Variants in ACSL5 observed in about 807,000 individuals in gnomAD.
ACSL5 encodes the protein acyl-CoA synthetase long chain family member 5.
ACSL5 carries 50 observed loss-of-function variants against 84.9 expected under a neutral mutation model. The ratio of observed to expected loss-of-function variants is 0.59; its 90% CI spans 0.47 to 0.75. The LOEUF is 0.75. Ranked by LOEUF, ACSL5 falls within the 30% of genes least tolerant of loss-of-function variation. The pLI is 0.00. For synonymous variants in ACSL5, 280 were observed against 300.7 expected, an observed-to-expected ratio of 0.93 and a Z score of 0.71; for missense variants, 775 against 830.4, an observed-to-expected ratio of 0.93 and a Z score of 0.82.
intron 18 of ACSL5, among the ~76,000 whole-genome samples, chr10:112,426,036 C>G (rs1188210712): frequency 2.0e-5 from 3 of 152,064 alleles, no homozygotes; most frequent in African/African-American, 7.2e-5. Context: ...GTTGAAGGAT[C>G]AGATTTGAAT....
At chr10:112,410,762 G>A in intron 9 of ACSL5, 127 bp downstream of exon 9, 2 of 928,548 alleles carry the variant, frequency 2.2e-6, no homozygotes, top group Non-Finnish European at 3.2e-6. Flanking sequence ...CACAGCCTAA[G>A]GCTTCTAAGT....
intron 14 of ACSL5, among the ~76,000 whole-genome samples, chr10:112,420,724 T>G (rs920294405): frequency 6.6e-6 from 1 of 152,150 alleles, no homozygotes; most frequent in East Asian, 1.9e-4. Flanking sequence ...TTTTTTCTTT[T>G]TTTTTTCTTT....
In ACSL5 at chr10:112,413,329, G is replaced by T; in HGVS notation, c.1083+22G>T. 6 of 1,613,396 alleles carry T rather than the reference G, an allele frequency of 3.7e-6. No homozygotes were observed. The highest frequency in any genetic ancestry group is 5.1e-6 in the Non-Finnish European group (6 of 1,179,550). On this transcript the variant is annotated intron_variant, in intron 12 of 20. Coordinates refer to ENST00000354655, the MANE Select transcript of ACSL5 (RefSeq NM_203379.2). Reference sequence around the variant, plus strand: ...TAAGGTACTAACTTTCAGCTGAAGGGACTGTCTGTGACTTGGGCCTGCACG... The same window carrying T: ...TAAGGTACTAACTTTCAGCTGAAGGTACTGTCTGTGACTTGGGCCTGCACG...
rs186048238 is a variant in ACSL5 at position 112,412,015 on chromosome 10, G to A, written c.948+36G>A. On this transcript the variant is annotated intron_variant, in intron 11 of 20. Transcript: ENST00000354655. ...TGTGTTCCTAGCAGTATGTGGCAAG[G>A]GGGTCCTGACTTGCTATCACATGTT... 1.6e-5 allele frequency: 25 copies of A among 1,558,286 alleles called. No homozygotes were observed. The African/African-American group carries it at 3.3e-4, about 20-fold the overall frequency.
Position 112,427,754 on chromosome 10 carries a change from T to C in ACSL5, c.*396T>C, listed in dbSNP as rs556371610. ...AAACATAACTTGCCAACAGTCTCTATGCTTATTTACATCTTCTACTGTTCA... is the reference window on the plus strand; with the variant it reads ...AAACATAACTTGCCAACAGTCTCTACGCTTATTTACATCTTCTACTGTTCA... On this transcript the variant is annotated 3_prime_UTR_variant, in exon 21 of 21. Transcript: ENST00000354655. 1 of 155,532 alleles carries C rather than the reference T, an allele frequency of 6.4e-6. No homozygotes were observed. Among genetic ancestry groups the C allele is most frequent in the South Asian group, 2.1e-4 (1 of 4,870 alleles). 9.6% of individuals were successfully genotyped at this position (155,532 alleles called of 1,614,324 possible).
At position 112,427,302 on chromosome 10, in the gene ACSL5, C is replaced by A; in HGVS notation, c.1996C>A (p.Leu666Ile). Residue 666 changes from leucine to isoleucine, a missense_variant, in exon 21 of 21, where the codon CTT (leucine) becomes ATT (isoleucine). Transcript: ENST00000354655. ...AACATTGAAAGCAAAGCGAGGAGAG[C>A]TTTCCAAATACTTTCGGACCCAAAT... ...TPTLKAKRGE[L>I]SKYFRTQIDS... The A allele has an allele frequency of 6.2e-7, 1 of 1,613,876 alleles. No individual in the cohort carries two copies. The highest frequency in any genetic ancestry group is 8.5e-7 in the Non-Finnish European group (1 of 1,179,894).
Position 112,422,183 on chromosome 10 carries a change from A to T in ACSL5, c.1477-142A>T. ...TCTGAACTTCACTTTCCTATCCCCT[A>T]TAGTGGAGACTTAGATCTGGTGCTC... On this transcript the variant is annotated intron_variant, in intron 16 of 20. Transcript: ENST00000354655. 3 of 1,092,190 alleles carry T rather than the reference A, an allele frequency of 2.7e-6. 1 individual carries two copies. The South Asian group carries it at 4.1e-5, about 15-fold the overall frequency. 67.7% of individuals were successfully genotyped at this position (1,092,190 alleles called of 1,614,324 possible).
intron 3 of ACSL5, among the ~76,000 whole-genome samples, chr10:112,399,956 G>T (rs1195497861): frequency 6.6e-6 from 1 of 152,104 alleles, no homozygotes; most frequent in Non-Finnish European, 1.5e-5. Flanking sequence ...TGTTTGACTT[G>T]GTTGTTCTAT....
Position 112,413,160 on chromosome 10 carries a change from G to T in ACSL5, c.949-13G>T. ...GTTTGCCTCTAAGCTCTATAATTTG[G>T]TTTTGTTTTCAGGCTGTTGTGTACA... On this transcript the variant is annotated splice_polypyrimidine_tract_variant and intron_variant, in intron 11 of 20. Transcript: ENST00000354655. 2 of 1,613,712 alleles carry T rather than the reference G, an allele frequency of 1.2e-6. No individual in the cohort carries two copies. Among genetic ancestry groups the T allele is most frequent in the Non-Finnish European group, 1.7e-6 (2 of 1,179,856 alleles).
intron 3 of ACSL5, among the ~76,000 whole-genome samples, chr10:112,400,601 G>T (rs1446367407): frequency 1.3e-5 from 2 of 151,770 alleles, no homozygotes; most frequent in Admixed American, 1.3e-4. Context: ...TAGAGATGGG[G>T]TTTCACCATC....
chr10:112,413,677 A>G (rs528446522), intron 12 of ACSL5, among the ~76,000 whole-genome samples: 119 of 152,332 alleles, frequency 7.8e-4, no homozygotes, highest in Non-Finnish European at 9.3e-4. Context: ...GTGAGCCAAG[A>G]TCACACCACT....
chr10:112,401,802 T>C (rs867551068), intron 3 of ACSL5, among the ~76,000 whole-genome samples: 2 of 70,602 alleles, frequency 2.8e-5, no homozygotes, highest in African/African-American at 9.2e-5. Context: ...CTTTCTTTCT[T>C]TCTTTCTTTC....
intron 17 of ACSL5, among the ~76,000 whole-genome samples, chr10:112,423,065 G>A (rs1844522311): frequency 7.0e-6 from 1 of 142,954 alleles, no homozygotes; most frequent in African/African-American, 2.6e-5. Flanking sequence ...GTGGGCGCCT[G>A]TAGTTCCAGC....
intron 1 of ACSL5, among the ~76,000 whole-genome samples, chr10:112,374,826 A>G (rs190549298): frequency 6.6e-6 from 1 of 152,306 alleles, no homozygotes; most frequent in Admixed American, 6.5e-5. Flanking sequence ...GGCCTAAGCT[A>G]CATAGCTCCA....
At chr10:112,388,075 A>G (rs578243102) in intron 1 of ACSL5, among the ~76,000 whole-genome samples, 13 of 151,232 alleles carry the variant, frequency 8.6e-5, no homozygotes, top group African/African-American at 3.2e-4. Flanking sequence ...AGTAGCTGGG[A>G]TTACAGGCAT....
intron 17 of ACSL5, 107 bp downstream of exon 17, chr10:112,422,548 A>G: frequency 2.9e-6 from 3 of 1,039,950 alleles, no homozygotes; most frequent in Middle Eastern, 2.2e-4. Flanking sequence ...CAGCTGAGGC[A>G]GCTGGAGGGG....
At chr10:112,408,341 G>C in intron 5 of ACSL5, 81 bp from the exon 6 acceptor site, 1 of 831,160 alleles carries the variant, frequency 1.2e-6, no homozygotes, top group Non-Finnish European at 2.0e-6. Context: ...CAAAAAACCA[G>C]ACAGCATTTG....
At chr10:112,376,085 G>T (rs1434291907) in intron 1 of ACSL5, 6 of 527,536 alleles carry the variant, frequency 1.1e-5, no homozygotes, top group Non-Finnish European at 1.6e-5. Flanking sequence ...GCTGGCTTTT[G>T]TGTCGGCCCT....
chr10:112,401,783 T>A (rs1843896969), intron 3 of ACSL5, among the ~76,000 whole-genome samples: 1 of 130,330 alleles, frequency 7.7e-6, no homozygotes, highest in Admixed American at 7.5e-5. Context: ...TTTTTCTTTC[T>A]TTCTCTTTCT....
Sources: gnomAD v4.1 joint callset for allele counts (sites outside exome capture counted in the v4.1 genomes callset) on GRCh38, gnomAD v4.1.1 for gene constraint, MANE v1.5 for transcripts, NCBI Gene and HGNC (gene_info 2026-07-23, HGNC 2026-07-21) for gene names.